Variants in PARD3B observed in about 807,000 individuals in gnomAD.
PARD3B encodes the protein par-3 family cell polarity regulator beta.
A neutral mutation model predicts 130.2 loss-of-function variants in PARD3B; 103 were observed. The ratio of observed to expected loss-of-function variants is 0.79; its 90% confidence interval spans 0.67 to 0.93. The LOEUF (loss-of-function observed/expected upper bound fraction) is 0.93, where lower values mean the gene tolerates loss of function less well. PARD3B is among the 40% of genes least tolerant of loss of function. PARD3B has a pLI of 0.00. For missense variants in PARD3B, 1,609 were observed against 1,499.2 expected (o/e 1.07, Z -1.21); for synonymous variants, 583 against 553.2 (o/e 1.05, Z -0.76).
chr2:204,983,678 T>C (rs906365781), intron 3 of PARD3B, among the ~76,000 whole-genome samples: 2 of 152,240 alleles, frequency 1.3e-5, no homozygotes, highest in East Asian at 1.9e-4. Context: ...AAGCAGAAGA[T>C]GAAATTCCCA....
chr2:204,718,045 T>C (rs2038817662), intron 2 of PARD3B, among the ~76,000 whole-genome samples: 1 of 152,140 alleles, frequency 6.6e-6, no homozygotes, highest in Non-Finnish European at 1.5e-5. Context: ...TCTCACACAC[T>C]AGTTTTATTT....
intron 13 of PARD3B, among the ~76,000 whole-genome samples, chr2:205,178,176 A>AAAT (rs2035583343): frequency 6.9e-6 from 1 of 145,914 alleles, no homozygotes; most frequent in African/African-American, 2.5e-5. Context: ...AAAAAAAAAA[A>AAAT]AATTAGTCTG....
intron 18 of PARD3B, among the ~76,000 whole-genome samples, chr2:205,338,113 A>G (rs968987208): frequency 7.1e-6 from 1 of 141,372 alleles, no homozygotes; most frequent in African/African-American, 2.7e-5. Context: ...AGATTGCAAC[A>G]GTGCTCTCCA....
At chr2:205,054,418 ATATATATATATATATATATTTTTTTTTT>A (rs1253526108) in intron 4 of PARD3B, among the ~76,000 whole-genome samples, 1 of 17,188 alleles carries the variant, frequency 5.8e-5, no homozygotes, top group Admixed American at 4.5e-4. Flanking sequence ...ATATATATAT[ATATATATATATATATATATTTTTTTTTT>A]TTTTTTTTTT....
intron 2 of PARD3B, among the ~76,000 whole-genome samples, chr2:204,911,918 TA>T (rs139641848): frequency 0.015 from 2,219 of 151,958 alleles, 63 homozygotes; most frequent in African/African-American, 0.051. Context: ...AAAATGAAAC[TA>T]AAAAAAACAA....
intron 22 of PARD3B, among the ~76,000 whole-genome samples, chr2:205,555,066 T>TA (rs1221740393): frequency 6.6e-6 from 1 of 152,208 alleles, no homozygotes; most frequent in Non-Finnish European, 1.5e-5. Context: ...TTTCCGGCTT[T>TA]CACTGTTGAA....
chr2:205,599,509 G>C (rs2054699799), intron 22 of PARD3B, among the ~76,000 whole-genome samples: 1 of 152,202 alleles, frequency 6.6e-6, no homozygotes, highest in Non-Finnish European at 1.5e-5. Flanking sequence ...AGACAGCAAG[G>C]AAAAAGGAGT....
chr2:205,283,192 C>G (rs1211088321), intron 16 of PARD3B, among the ~76,000 whole-genome samples: 1 of 152,200 alleles, frequency 6.6e-6, no homozygotes, highest in African/African-American at 2.4e-5. Context: ...CATTTGTTCA[C>G]AATATAAAAA....
Position 205,572,440 on chromosome 2 carries a change from A to C in PARD3B, c.3260+19037A>C, listed in dbSNP as rs1019629952. 3.3e-5 allele frequency among the ~76,000 whole-genome samples: 5 copies of C among 152,172 alleles called. No homozygotes were observed. The highest frequency in any genetic ancestry group is 7.3e-5 in the Non-Finnish European group (5 of 68,030). ...GTAGAGAAAGCCCCTTGATAATTTC[A>C]TGGAAAATAAATTGGAGAGACAGGC... On this transcript the variant is annotated intron_variant, in intron 22 of 22. Transcript: ENST00000406610. The surrounding 1 kb of genome is among the most constrained non-coding windows in gnomAD (Gnocchi z 4.2).
At chr2:204,876,009 G>A (rs1342710164) in intron 2 of PARD3B, among the ~76,000 whole-genome samples, 1 of 152,140 alleles carries the variant, frequency 6.6e-6, no homozygotes, top group Admixed American at 6.5e-5. Flanking sequence ...TTCTCCGAAA[G>A]CCTTTTTAGG....
chr2:205,188,359 C>A (rs906287386), intron 14 of PARD3B, among the ~76,000 whole-genome samples: 1 of 152,176 alleles, frequency 6.6e-6, no homozygotes, highest in Non-Finnish European at 1.5e-5. Context: ...GTCTGTCCTG[C>A]TCCATGGGTG....
At chr2:204,712,374 A>T (rs950254856) in intron 2 of PARD3B, among the ~76,000 whole-genome samples, 3 of 152,094 alleles carry the variant, frequency 2.0e-5, no homozygotes, top group African/African-American at 7.2e-5. Context: ...GCACTTTAGG[A>T]GACTGAGACA....
intron 15 of PARD3B, among the ~76,000 whole-genome samples, chr2:205,225,102 C>T (rs984819515): frequency 2.0e-5 from 3 of 151,984 alleles, no homozygotes; most frequent in African/African-American, 7.2e-5. Flanking sequence ...TACTGATTTC[C>T]TTGCTTTTGG....
At chr2:205,471,901 A>G (rs956938028) in intron 20 of PARD3B, among the ~76,000 whole-genome samples, 4 of 152,154 alleles carry the variant, frequency 2.6e-5, no homozygotes, top group African/African-American at 9.7e-5. Flanking sequence ...GAGATTCTCT[A>G]TTGTTGTCAG....
intron 19 of PARD3B, among the ~76,000 whole-genome samples, chr2:205,410,149 G>A (rs1445100128): frequency 6.6e-6 from 1 of 152,062 alleles, no homozygotes; most frequent in Non-Finnish European, 1.5e-5. Flanking sequence ...TTTACCAGTT[G>A]AGCATTCCAA....
At chr2:204,626,493 A>G (rs2034491795) in intron 1 of PARD3B, among the ~76,000 whole-genome samples, 2 of 152,142 alleles carry the variant, frequency 1.3e-5, no homozygotes, top group African/African-American at 4.8e-5. Flanking sequence ...TAAAGGAAGT[A>G]GACATAATTA....
chr2:205,002,283 A>G (rs577787654), intron 3 of PARD3B, among the ~76,000 whole-genome samples: 1 of 152,320 alleles, frequency 6.6e-6, no homozygotes, highest in Admixed American at 6.5e-5. Context: ...TAAAGTCTAA[A>G]GCTTTAAATA....
chr2:205,181,380 G>A (rs942400713), intron 13 of PARD3B, among the ~76,000 whole-genome samples: 1 of 152,192 alleles, frequency 6.6e-6, no homozygotes, highest in Non-Finnish European at 1.5e-5. Context: ...CCTCCATTGT[G>A]CAGAATACAC....
intron 4 of PARD3B, among the ~76,000 whole-genome samples, chr2:205,072,333 T>C (rs565546077): frequency 6.6e-6 from 1 of 151,866 alleles, no homozygotes; most frequent in Non-Finnish European, 1.5e-5. Context: ...CACTGCAACT[T>C]CTGCCCCCCT....
Sources: gnomAD v4.1 joint callset for allele counts (sites outside exome capture counted in the v4.1 genomes callset) on GRCh38, gnomAD v4.1.1 for gene constraint, Gnocchi (gnomAD v3.1) non-coding constraint, MANE v1.5 for transcripts, NCBI Gene and HGNC (gene_info 2026-07-23, HGNC 2026-07-21) for gene names.